The following GTF3C3 variants were observed in gnomAD, a reference collection of about 807,000 sequenced individuals.
The protein encoded by GTF3C3 is general transcription factor 3C polypeptide 3.
In GTF3C3, 75 loss-of-function variants were observed where a neutral mutation model predicts 105.2. The observed-to-expected ratio is 0.71, with a 90% CI of 0.59 to 0.86. The LOEUF (loss-of-function observed/expected upper bound fraction) is 0.86, where lower values mean the gene tolerates loss of function less well. GTF3C3 is among the 40% of genes least tolerant of loss of function. The pLI is 0.00. For synonymous variants in GTF3C3, 335 were observed against 370.4 expected, an observed-to-expected ratio of 0.90 and a Z score of 1.10; for missense variants, 856 against 1,076.5, an observed-to-expected ratio of 0.80 and a Z score of 2.87.
intron 2 of GTF3C3, among the ~76,000 whole-genome samples, chr2:196,793,478 T>C (rs980919008): frequency 1.3e-5 from 2 of 152,132 alleles, no homozygotes; most frequent in African/African-American, 4.8e-5. Context: ...TAAACAAGCC[T>C]AGCAGTACGG....
intron 3 of GTF3C3, 135 bp from the exon 4 acceptor site, chr2:196,791,595 A>C: frequency 1.5e-6 from 1 of 660,044 alleles, no homozygotes; most frequent in Admixed American, 3.0e-5. Flanking sequence ...GCAACCCAGA[A>C]CTAAATAGTT....
At chr2:196,778,872 C>A (rs1699299043) in intron 10 of GTF3C3, 24 bp downstream of exon 10, 1 of 1,607,178 alleles carries the variant, frequency 6.2e-7, no homozygotes, top group East Asian at 2.2e-5. Flanking sequence ...ATTAAAACTT[C>A]TTCCTCCCAC....
At chr2:196,784,789 A>T in intron 8 of GTF3C3, 68 bp downstream of exon 8, 1 of 1,489,578 alleles carries the variant, frequency 6.7e-7, no homozygotes, top group Non-Finnish European at 8.9e-7. Flanking sequence ...ATAAATTTTC[A>T]CCATAAAACG....
intron 7 of GTF3C3, among the ~76,000 whole-genome samples, chr2:196,785,240 G>A (rs968282314): frequency 6.6e-6 from 1 of 152,012 alleles, no homozygotes; most frequent in African/African-American, 2.4e-5. Context: ...TAGCACCTGT[G>A]ACAATGGCAA....
At chr2:196,771,711 A>AT in intron 15 of GTF3C3, 37 bp downstream of exon 15, 1 of 1,446,868 alleles carries the variant, frequency 6.9e-7, no homozygotes, top group Non-Finnish European at 9.7e-7. Context: ...TCACCACACT[A>AT]TTTATGCTTG....
intron 2 of GTF3C3, among the ~76,000 whole-genome samples, chr2:196,797,006 T>C (rs1283011805): frequency 6.6e-6 from 1 of 152,214 alleles, no homozygotes; most frequent in Non-Finnish European, 1.5e-5. Context: ...TGACTGTCTG[T>C]TCTCTGTGTA....
At chr2:196,793,322 G>A (rs1264550995) in intron 2 of GTF3C3, among the ~76,000 whole-genome samples, 170 bp from the exon 3 acceptor site, 1 of 152,114 alleles carries the variant, frequency 6.6e-6, no homozygotes, top group African/African-American at 2.4e-5. Context: ...TTATCACAAA[G>A]CCATGTATTT....
Position 196,773,047 on chromosome 2 carries a change from C to T in GTF3C3, c.1938G>A (p.Glu646=). ...ATTCCAATGAGGAATCTACAAGCAA[C>T]TCAGCCTCTTGAAATCGGGATAGGT... The part of the protein sequence containing the change: ...LCDLSRFQEA[E]LLVDSSLEYY... The change falls in exon 14 of 18, where the codon GAG becomes GAA. Residue 646 remains glutamate (E), a synonymous_variant. Transcript: ENST00000263956. The T allele has an allele frequency of 1.2e-6, 2 of 1,612,440 alleles. No individual in the cohort carries two copies. Among genetic ancestry groups the T allele is most frequent in the Non-Finnish European group, 1.7e-6 (2 of 1,178,492 alleles).
intron 6 of GTF3C3, among the ~76,000 whole-genome samples, chr2:196,787,931 C>G (rs1344941186): frequency 6.6e-6 from 1 of 152,078 alleles, no homozygotes; most frequent in Non-Finnish European, 1.5e-5. Flanking sequence ...TAGGAAAGAC[C>G]TCAATGGCAG....
rs561724168 is a variant in GTF3C3 at position 196,789,090 on chromosome 2, A to C, written c.893+114T>G. 4.6e-4 allele frequency: 400 copies of C among 876,548 alleles called. 3 individuals are homozygous for C. In the South Asian group the frequency reaches 7.0e-3, roughly 15 times the overall value. 54.3% of individuals were successfully genotyped at this position (876,548 alleles called of 1,614,324 possible). ...CAATAAACAAAACAATAAAACACAT[A>C]AGGCAAAACACTTCTTGAACTTCAA... On this transcript the variant is annotated intron_variant, in intron 6 of 17. Transcript: ENST00000263956.
At chr2:196,780,922 G>A in intron 8 of GTF3C3, 1 of 283,370 alleles carries the variant, frequency 3.5e-6, no homozygotes, top group African/African-American at 2.2e-5. Context: ...GAACTAAAAA[G>A]ACAAAAATAA....
chr2:196,798,199 A>G (rs1022029817), intron 1 of GTF3C3, among the ~76,000 whole-genome samples: 2 of 152,310 alleles, frequency 1.3e-5, no homozygotes, highest in South Asian at 4.2e-4. Flanking sequence ...AAATATCTTA[A>G]TAATTTCATT....
intron 6 of GTF3C3, 139 bp from the exon 7 acceptor site, chr2:196,785,727 G>T: frequency 1.7e-6 from 1 of 600,320 alleles, no homozygotes. Context: ...CCTTAAAATC[G>T]TAATCAGAAC....
chr2:196,769,185 T>A (rs1699126430), intron 16 of GTF3C3, among the ~76,000 whole-genome samples: 2 of 152,168 alleles, frequency 1.3e-5, no homozygotes, highest in East Asian at 3.8e-4. Context: ...TCAACTGTTA[T>A]CACCATTTTA....
chr2:196,792,535 G>C (rs1699567181), intron 3 of GTF3C3, among the ~76,000 whole-genome samples: 1 of 152,146 alleles, frequency 6.6e-6, no homozygotes, highest in South Asian at 2.1e-4. Flanking sequence ...CTGTGTGTCT[G>C]TGTGTGTGTT....
intron 13 of GTF3C3, chr2:196,773,559 C>T (rs551274064): frequency 6.9e-5 from 22 of 316,878 alleles, no homozygotes; most frequent in South Asian, 4.7e-4. Context: ...TTTCCATGGG[C>T]CAGGGCTAAG....
At position 196,764,663 on chromosome 2, in the gene GTF3C3, T is replaced by TCTAA. The variant is rs774856495; in HGVS notation, c.2557_2560dup (p.Asp854ValfsTer40). 9 of 1,612,168 alleles carry TCTAA rather than the reference T, an allele frequency of 5.6e-6. No homozygotes were observed. The highest frequency in any genetic ancestry group is 4.5e-5 in the East Asian group (2 of 44,870). ...GTTGTAGGCAATATCTCTTCGTAAG[T>TCTAA]CTAACTGGTCAAGTTCTATACCCTA... is the stretch of plus-strand genomic sequence containing the variant. On this transcript the variant is annotated frameshift_variant, in exon 18 of 18. Transcript: ENST00000263956. LOFTEE classifies it high-confidence loss of function.
chr2:196,798,007 G>A (rs1417414189), intron 1 of GTF3C3, 99 bp from the exon 2 acceptor site: 5 of 725,966 alleles, frequency 6.9e-6, no homozygotes, highest in Non-Finnish European at 7.4e-6. Flanking sequence ...TGCCACTCGG[G>A]CATTTTGTGA....
In GTF3C3 at chr2:196,770,058, T is replaced by C; in HGVS notation, c.2261-19A>G. On this transcript the variant is annotated intron_variant, in intron 15 of 17. Transcript: ENST00000263956. ...TACTGTCCTGGAAAATAAGCAGTGG[T>C]GTCAGACGGTGTGACAAGAACAGAG... 1 of 1,490,314 alleles carries C rather than the reference T, an allele frequency of 6.7e-7. No individual in the cohort carries two copies. The highest frequency in any genetic ancestry group is 8.9e-7 in the Non-Finnish European group (1 of 1,124,598). 92.3% of individuals were successfully genotyped at this position (1,490,314 alleles called of 1,614,324 possible). A position where few individuals can be genotyped will look rare whatever the true frequency, so the allele number is the denominator to read the frequency against.
Sources: allele counts gnomAD v4.1 joint callset (sites outside exome capture counted in the v4.1 genomes callset), GRCh38; gene constraint gnomAD v4.1.1; transcripts MANE v1.5; gene names NCBI Gene and HGNC (gene_info 2026-07-23, HGNC 2026-07-21).